Variants in MAP6D1 observed in about 807,000 individuals in gnomAD.
MAP6D1 encodes the protein MAP6 domain-containing protein 1.
Under a neutral mutation model 17.4 loss-of-function variants are expected in MAP6D1, and 13 were observed. The ratio of observed to expected loss-of-function variants is 0.75; its 90% CI spans 0.49 to 1.19. The LOEUF is 1.19. Ranked by LOEUF, MAP6D1 falls within the 50% of genes most tolerant of loss-of-function variation. The pLI is 0.00. For synonymous variants in MAP6D1, 141 were observed against 145.7 expected (o/e 0.97, Z 0.23); for missense variants, 313 against 312.6 (o/e 1.00, Z -0.01).
intron 1 of MAP6D1, among the ~76,000 whole-genome samples, chr3:183,821,783 C>T (rs1727265024): frequency 6.6e-6 from 1 of 151,982 alleles, no homozygotes; most frequent in Non-Finnish European, 1.5e-5. Context: ...CCATCTCATC[C>T]TCCCAAAGTG....
In MAP6D1 at chr3:183,818,366, C is replaced by T. The variant is rs9877674; in HGVS notation, c.402-255G>A. 1.5e-3 allele frequency among the ~76,000 whole-genome samples: 223 copies of T among 152,356 alleles called. No individual in the cohort carries two copies. Among genetic ancestry groups the T allele is most frequent in the African/African-American group, 4.8e-3 (201 of 41,580 alleles). On this transcript the variant is annotated intron_variant, in intron 1 of 2. Transcript: ENST00000318631. ...TCCACTGGGAAATCTGGGCTCACCCCGGTCCCTAAGGAAGTAGGAGAGGAA... is the reference window on the plus strand; with the variant it reads ...TCCACTGGGAAATCTGGGCTCACCCTGGTCCCTAAGGAAGTAGGAGAGGAA...
rs749266192 is a variant in MAP6D1, at chr3:183,818,041, T to C, written c.472A>G (p.Thr158Ala). 6 of 1,614,170 alleles carry C rather than the reference T, an allele frequency of 3.7e-6. No individual in the cohort carries two copies. The highest frequency in any genetic ancestry group is 5.1e-6 in the Non-Finnish European group (6 of 1,180,022). The change falls in exon 2 of 3, where the codon ACA becomes GCA. Residue 158 changes from threonine (T) to alanine (A), a missense_variant. Coordinates refer to ENST00000318631, the MANE Select transcript of MAP6D1 (RefSeq NM_024871.4). ...STKTKPARVI[T>A]THTSGWDSSP... ...CTGTCCCATCCCGAAGTGTGGGTTG[T>C]GATGACTCGGGCTGGTTTTGTCTTT... is the stretch of plus-strand genomic sequence containing the variant.
At chr3:183,822,813 C>G (rs1418803538) in intron 1 of MAP6D1, among the ~76,000 whole-genome samples, 1 of 152,208 alleles carries the variant, frequency 6.6e-6, no homozygotes, top group Non-Finnish European at 1.5e-5. Context: ...GGGTCCTGAG[C>G]GTGCAGCGCA....
intron 1 of MAP6D1, among the ~76,000 whole-genome samples, chr3:183,822,532 G>A (rs1257640189): frequency 1.3e-5 from 2 of 152,176 alleles, no homozygotes; most frequent in Admixed American, 6.5e-5. Context: ...ACATACAGCT[G>A]GATGACTTTT....
At chr3:183,823,310 G>A (rs1210459984) in intron 1 of MAP6D1, among the ~76,000 whole-genome samples, 3 of 151,830 alleles carry the variant, frequency 2.0e-5, no homozygotes, top group East Asian at 2.0e-4. Flanking sequence ...GCTTTTAGAA[G>A]GAGTCCCTCA....
rs1385047229 is a variant in MAP6D1 at position 183,815,951 on chromosome 3, T to C, written c.*1405A>G. On this transcript the variant is annotated 3_prime_UTR_variant, in exon 3 of 3. Coordinates refer to ENST00000318631, the MANE Select transcript of MAP6D1 (RefSeq NM_024871.4). The stretch of plus-strand genomic sequence containing the variant: ...TGCATTTTAGTAAAATCTGAGATTG[T>C]ACAGTTTTTAATCTCATTTCCACAG... The C allele has an allele frequency of 1.3e-5, 2 of 152,234 alleles. No individual in the cohort carries two copies. Among genetic ancestry groups the C allele is most frequent in the Non-Finnish European group, 2.9e-5 (2 of 68,048 alleles). 9.4% of individuals were successfully genotyped at this position (152,234 alleles called of 1,614,324 possible).
chr3:183,822,186 C>A (rs1257469195), intron 1 of MAP6D1, among the ~76,000 whole-genome samples: 1 of 150,436 alleles, frequency 6.6e-6, no homozygotes, highest in Non-Finnish European at 1.5e-5. Context: ...GCAGGAGGAT[C>A]GCTTGAGCCC....
chr3:183,822,021 T>A (rs1194011851), intron 1 of MAP6D1, among the ~76,000 whole-genome samples: 1 of 152,116 alleles, frequency 6.6e-6, no homozygotes, highest in East Asian at 1.9e-4. Context: ...TACAGCTAAA[T>A]CTTTGTTCAT....
intron 1 of MAP6D1, among the ~76,000 whole-genome samples, chr3:183,822,159 C>T (rs1188168125): frequency 6.6e-6 from 1 of 151,818 alleles, no homozygotes; most frequent in African/African-American, 2.4e-5. Context: ...TTAATTCCAG[C>T]ACTTTGGGAG....
chr3:183,825,075 C>A lies in MAP6D1; in HGVS notation c.401+72G>T, dbSNP rs1308910344. The A allele has an allele frequency of 5.5e-6, 7 of 1,281,652 alleles. No individual in the cohort carries two copies. The East Asian group carries it at 1.6e-4, about 29-fold the overall frequency. The allele number at this position is 1,281,652 out of a possible 1,614,324, so 79.4% of individuals were successfully genotyped here. Reference sequence around the variant, plus strand: ...CCTCCGCTCTGCCGCCCACCCCATCCCTCTGGCTCCGGGCCTCCGCGTCCT... The same window carrying A: ...CCTCCGCTCTGCCGCCCACCCCATCACTCTGGCTCCGGGCCTCCGCGTCCT... On this transcript the variant is annotated intron_variant, in intron 1 of 2. Coordinates refer to ENST00000318631, the MANE Select transcript of MAP6D1 (RefSeq NM_024871.4).
Position 183,817,296 on chromosome 3 carries a change from G to A in MAP6D1, c.*60C>T, listed in dbSNP as rs2108561091. 1.3e-6 allele frequency: 2 copies of A among 1,504,628 alleles called. No homozygotes were observed. The highest frequency in any genetic ancestry group is 1.8e-6 in the Non-Finnish European group (2 of 1,105,988). The allele number at this position is 1,504,628 out of a possible 1,614,324, so 93.2% of individuals were successfully genotyped here. On this transcript the variant is annotated 3_prime_UTR_variant, in exon 3 of 3. Coordinates refer to ENST00000318631, the MANE Select transcript of MAP6D1 (RefSeq NM_024871.4). The stretch of plus-strand genomic sequence containing the variant: ...CTCTCGCCCAGCCCCGCGGCAGTGG[G>A]TCCTGAGGCCGCTCCCCAGCCCTGT...
At position 183,816,994 on chromosome 3, in the gene MAP6D1, G is replaced by A. The variant is rs1560353992; in HGVS notation, c.*362C>T. On this transcript the variant is annotated 3_prime_UTR_variant, in exon 3 of 3. Coordinates refer to ENST00000318631, the MANE Select transcript of MAP6D1 (RefSeq NM_024871.4). ...AATCCACCAAAAGTGGACATAACTG[G>A]TTCTTTCAAGGGCCGGATGTGTCCA... 2 of 258,532 alleles carry A rather than the reference G, an allele frequency of 7.7e-6. No individual in the cohort carries two copies. The highest frequency in any genetic ancestry group is 1.5e-5 in the Non-Finnish European group (2 of 131,832). The allele number at this position is 258,532 out of a possible 1,614,324, so 16.0% of individuals were successfully genotyped here.
chr3:183,817,627 G>A (rs1488658651), intron 2 of MAP6D1, among the ~76,000 whole-genome samples, 191 bp from the exon 3 acceptor site: 5 of 152,060 alleles, frequency 3.3e-5, no homozygotes, highest in South Asian at 2.1e-4. Flanking sequence ...AGTGGTACAC[G>A]GACCTTCCAT....
Position 183,825,568 on chromosome 3 carries a change from C to T in MAP6D1, c.-21G>A. 1.7e-6 allele frequency: 2 copies of T among 1,191,974 alleles called. No individual in the cohort carries two copies. The highest frequency in any genetic ancestry group is 1.0e-6 in the Non-Finnish European group (1 of 964,172). 73.8% of individuals were successfully genotyped at this position (1,191,974 alleles called of 1,614,324 possible). A position where few individuals can be genotyped will look rare whatever the true frequency, so the allele number is the denominator to read the frequency against. ...GCCATGCCAGCCCCGGCGCCCGCCG[C>T]CCCGCTCCCGGCGCGCGGCGCTCCC... On this transcript the variant is annotated 5_prime_UTR_variant, in exon 1 of 3. Transcript: ENST00000318631.
chr3:183,822,677 T>C (rs1238461923), intron 1 of MAP6D1, among the ~76,000 whole-genome samples: 2 of 152,198 alleles, frequency 1.3e-5, no homozygotes, highest in African/African-American at 2.4e-5. Flanking sequence ...AGGGTGGGTC[T>C]TGCATTCACT....
In MAP6D1 at chr3:183,825,509, C is replaced by T. The variant is rs13093863; in HGVS notation, c.39G>A (p.Ala13=). 2.2e-6 allele frequency: 3 copies of T among 1,393,726 alleles called. No individual in the cohort carries two copies. The South Asian group carries it at 4.6e-5, about 21-fold the overall frequency. The allele number at this position is 1,393,726 out of a possible 1,614,324, so 86.3% of individuals were successfully genotyped here. The change falls in exon 1 of 3, where the codon GCG becomes GCA. Residue 13 remains alanine (A), a synonymous_variant. Coordinates refer to ENST00000318631, the MANE Select transcript of MAP6D1 (RefSeq NM_024871.4). ...WPCISRLCCL[A]RRWNQLDRSD... Reference sequence around the variant, plus strand: ...AGCGGTCCAGCTGGTTCCAGCGCCGCGCCAGGCAGCACAGGCGGCTGATAC... The same window carrying T: ...AGCGGTCCAGCTGGTTCCAGCGCCGTGCCAGGCAGCACAGGCGGCTGATAC...
rs760667646 is a variant in MAP6D1, at chr3:183,825,243, G to A, written c.305C>T (p.Ala102Val). 159 of 1,382,718 alleles carry A rather than the reference G, an allele frequency of 1.1e-4. 3 individuals are homozygous for A. The Admixed American group carries it at 5.3e-3, about 46-fold the overall frequency. 85.7% of individuals were successfully genotyped at this position (1,382,718 alleles called of 1,614,324 possible). ...GAGGRRGKSS[A>V]QSSAPPAPGA... ...GGGCGCAGGTGGCGCGGAGGACTGC[G>A]CGGAGGATTTGCCCCTGCGGCCGCC... Residue 102 changes from alanine to valine, a missense_variant, in exon 1 of 3, where the codon GCG becomes GTG. Transcript: ENST00000318631.
At position 183,818,031 on chromosome 3, in the gene MAP6D1, G is replaced by T; in HGVS notation, c.482C>A (p.Thr161Asn). The T allele has an allele frequency of 6.2e-7, 1 of 1,614,206 alleles. No homozygotes were observed. Among genetic ancestry groups the T allele is most frequent in the South Asian group, 1.1e-5 (1 of 91,088 alleles). ...TKPARVITTH[T>N]SGWDSSPGAG... Reference sequence around the variant, plus strand: ...CCCAGGGCTGCTGTCCCATCCCGAAGTGTGGGTTGTGATGACTCGGGCTGG... The same window carrying T: ...CCCAGGGCTGCTGTCCCATCCCGAATTGTGGGTTGTGATGACTCGGGCTGG... Residue 161 changes from threonine to asparagine, a missense_variant, in exon 2 of 3, where the codon ACT (threonine) becomes AAT (asparagine). By Grantham distance (65) the Thr-to-Asn change is moderately conservative. Transcript: ENST00000318631.
chr3:183,820,342 G>A (rs1479189770), intron 1 of MAP6D1: 1 of 152,348 alleles, frequency 6.6e-6, no homozygotes, highest in African/African-American at 2.4e-5. Flanking sequence ...GGGGGTCCCA[G>A]AGGCCCACTG....
Sources: allele counts gnomAD v4.1 joint callset (sites outside exome capture counted in the v4.1 genomes callset), GRCh38; gene constraint gnomAD v4.1.1; transcripts MANE v1.5; gene names NCBI Gene and HGNC (gene_info 2026-07-23, HGNC 2026-07-21).